Variants in FBXW4 observed in about 807,000 individuals in gnomAD.
FBXW4 encodes F-box/WD repeat-containing protein 4.
FBXW4 carries 40 observed loss-of-function variants against 61.8 expected under a neutral mutation model. That is an observed-to-expected ratio of 0.65 (90% CI 0.50 to 0.84). FBXW4 has a LOEUF of 0.84. FBXW4 is among the 40% of genes least tolerant of loss of function. FBXW4 has a pLI of 0.00. For missense variants in FBXW4, 672 were observed against 753.8 expected (o/e 0.89, Z 1.27); for synonymous variants, 311 against 313.8 (o/e 0.99, Z 0.10).
At chr10:101,692,489 C>T (rs574992154) in intron 1 of FBXW4, among the ~76,000 whole-genome samples, 3 of 152,114 alleles carry the variant, frequency 2.0e-5, no homozygotes, top group South Asian at 2.1e-4. Flanking sequence ...GGCGCCATGG[C>T]TCATGCCTGT....
intron 5 of FBXW4, among the ~76,000 whole-genome samples, chr10:101,653,269 G>A (rs1462708583): frequency 6.6e-6 from 1 of 152,156 alleles, no homozygotes; most frequent in Non-Finnish European, 1.5e-5. Flanking sequence ...TCCTGGAAAA[G>A]AACAGCCTGT....
intron 1 of FBXW4, among the ~76,000 whole-genome samples, chr10:101,682,766 G>T (rs1410794618): frequency 6.6e-6 from 1 of 151,802 alleles, no homozygotes; most frequent in African/African-American, 2.4e-5. Context: ...CAAACAGCAG[G>T]TGCAGGCATC....
At position 101,657,803 on chromosome 10, in the gene FBXW4, G is replaced by A. The variant is rs369417049; in HGVS notation, c.1235+10083C>T. Among the ~76,000 whole-genome samples the A allele has an allele frequency of 1.4e-4, 21 of 152,268 alleles. No individual in the cohort carries two copies. In the East Asian group the frequency reaches 4.0e-3, roughly 29 times the overall value. ...AGCCAAAAATATTCATTGATCTGCT[G>A]ATGCATGTATTCTTTATTGTCATCA... On this transcript the variant is annotated intron_variant, in intron 5 of 8. Coordinates refer to ENST00000331272, the MANE Select transcript of FBXW4 (RefSeq NM_022039.4).
chr10:101,679,303 C>T (rs1341119676), intron 1 of FBXW4, among the ~76,000 whole-genome samples: 1 of 152,188 alleles, frequency 6.6e-6, no homozygotes, highest in Non-Finnish European at 1.5e-5. Context: ...ATGTGGTGCT[C>T]ACAATATGCC....
At chr10:101,655,516 G>C (rs2064177780) in intron 5 of FBXW4, among the ~76,000 whole-genome samples, 1 of 152,150 alleles carries the variant, frequency 6.6e-6, no homozygotes, top group African/African-American at 2.4e-5. Context: ...CTTCCTCTTT[G>C]CCAAATGTTA....
intron 5 of FBXW4, chr10:101,625,472 G>A (rs2063900363): frequency 6.6e-6 from 1 of 152,368 alleles, no homozygotes; most frequent in Admixed American, 6.5e-5. Context: ...AGTCCTCTGA[G>A]GCCAATAACA....
intron 5 of FBXW4, among the ~76,000 whole-genome samples, chr10:101,664,707 A>G (rs1348265218): frequency 1.3e-5 from 2 of 152,198 alleles, no homozygotes; most frequent in Admixed American, 6.5e-5. Context: ...CACTAAGCAA[A>G]TGCTACACCA....
chr10:101,642,969 T>A (rs982436752), intron 5 of FBXW4, among the ~76,000 whole-genome samples: 1 of 152,064 alleles, frequency 6.6e-6, no homozygotes, highest in African/African-American at 2.4e-5. Context: ...GATGCACAGG[T>A]CAACTTCCCT....
intron 5 of FBXW4, chr10:101,659,297 C>T (rs1459673987): frequency 1.3e-6 from 1 of 773,102 alleles, no homozygotes; most frequent in African/African-American, 1.9e-5. Context: ...GGGCAAAACA[C>T]TCAGCCATCT....
At chr10:101,685,193 T>C (rs2064522623) in intron 1 of FBXW4, among the ~76,000 whole-genome samples, 1 of 152,236 alleles carries the variant, frequency 6.6e-6, no homozygotes, top group Non-Finnish European at 1.5e-5. Context: ...CCTCTACTTC[T>C]GTGACTCTTC....
At chr10:101,633,439 G>GA (rs2063974928) in intron 5 of FBXW4, among the ~76,000 whole-genome samples, 1 of 152,132 alleles carries the variant, frequency 6.6e-6, no homozygotes, top group Non-Finnish European at 1.5e-5. Flanking sequence ...ACACACCAGG[G>GA]CCTGTTAGGG....
intron 6 of FBXW4, among the ~76,000 whole-genome samples, chr10:101,614,222 G>C (rs942831507): frequency 6.6e-6 from 1 of 152,246 alleles, no homozygotes; most frequent in Non-Finnish European, 1.5e-5. Context: ...GAATGATTGA[G>C]GAGCTCTCCC....
chr10:101,643,017 C>A (rs1461082440), intron 5 of FBXW4, among the ~76,000 whole-genome samples: 1 of 152,188 alleles, frequency 6.6e-6, no homozygotes, highest in Admixed American at 6.5e-5. Context: ...AATAAGGTCA[C>A]CTTATCTTTC....
chr10:101,630,027 C>T (rs2063938618), intron 5 of FBXW4, among the ~76,000 whole-genome samples: 1 of 152,150 alleles, frequency 6.6e-6, no homozygotes, highest in African/African-American at 2.4e-5. Context: ...GCAAGGGAGG[C>T]CACCAGAGCT....
chr10:101,659,979 T>A (rs1203499904), intron 5 of FBXW4: 2 of 519,298 alleles, frequency 3.9e-6, no homozygotes, highest in African/African-American at 4.2e-5. Flanking sequence ...TGGAAATCTG[T>A]ATCTTAGAAT....
At chr10:101,663,055 T>C (rs2064261352) in intron 5 of FBXW4, among the ~76,000 whole-genome samples, 1 of 152,172 alleles carries the variant, frequency 6.6e-6, no homozygotes, top group African/African-American at 2.4e-5. Context: ...AAGGCCTGCT[T>C]GTCCCTCAGC....
Position 101,611,917 on chromosome 10 carries a change from A to G in FBXW4, c.1443-148T>C, listed in dbSNP as rs1483401858. ...AGCCTAAATCATCAGATTCATCAAA[A>G]ACCGAACTTCATGGGAGAAAGCATC... On this transcript the variant is annotated intron_variant, in intron 7 of 8. Transcript: ENST00000331272. This position sits in a 1 kb window ranked among gnomAD's most constrained non-coding sequence, Gnocchi z 4.9. The G allele has an allele frequency of 5.9e-6, 6 of 1,025,522 alleles. No individual in the cohort carries two copies. Among genetic ancestry groups the G allele is most frequent in the Non-Finnish European group, 6.9e-6 (5 of 726,694 alleles). The allele number at this position is 1,025,522 out of a possible 1,614,324, so 63.5% of individuals were successfully genotyped here.
chr10:101,664,473 TGAG>T (rs2064277957), intron 5 of FBXW4, among the ~76,000 whole-genome samples: 1 of 152,132 alleles, frequency 6.6e-6, no homozygotes, highest in Non-Finnish European at 1.5e-5. Context: ...ATATTTTCCA[TGAG>T]GAGTCCAGGG....
At chr10:101,672,255 T>C (rs893342113) in intron 4 of FBXW4, among the ~76,000 whole-genome samples, 1 of 152,202 alleles carries the variant, frequency 6.6e-6, no homozygotes, top group African/African-American at 2.4e-5. Flanking sequence ...CTAGGGCTGT[T>C]GGGCACAAGC....
Sources: gnomAD v4.1 joint callset for allele counts (sites outside exome capture counted in the v4.1 genomes callset) on GRCh38, gnomAD v4.1.1 for gene constraint, Gnocchi (gnomAD v3.1) non-coding constraint, MANE v1.5 for transcripts, NCBI Gene and HGNC (gene_info 2026-07-23, HGNC 2026-07-21) for gene names.